The following CNTNAP2 variants were observed in gnomAD, a reference collection of about 807,000 sequenced individuals.
CNTNAP2 encodes contactin-associated protein-like 2.
Under a neutral mutation model 155.2 loss-of-function variants are expected in CNTNAP2, and 98 were observed. The observed-to-expected ratio is 0.63, with a 90% CI of 0.54 to 0.75. The LOEUF is 0.75. Among genes scored for constraint, CNTNAP2 ranks in the 30% least tolerant of loss-of-function variants. The probability of loss-of-function intolerance (pLI) is 0.00; values close to 1 mark genes in which losing one functional copy is unlikely to be tolerated. For synonymous variants in CNTNAP2, 651 were observed against 631.2 expected, an observed-to-expected ratio of 1.03 and a Z score of -0.47; for missense variants, 1,727 against 1,688.1, an observed-to-expected ratio of 1.02 and a Z score of -0.40.
chr7:147,416,925 C>T (rs865894104), intron 10 of CNTNAP2, among the ~76,000 whole-genome samples: 17 of 151,956 alleles, frequency 1.1e-4, no homozygotes, highest in Admixed American at 2.0e-4. Context: ...CCCATCTCTA[C>T]TAAAAATACA....
rs36020816 is a variant in CNTNAP2 at position 148,405,420 on chromosome 7, A to ATTTTTTTTTTTTTTTTTTTTTTTTTTTT, written c.3716-3945_3716-3944insTTTTTTTTTTTTTTTTTTTTTTTTTTTT. Among the ~76,000 whole-genome samples, 10 of 64,308 alleles carry ATTTTTTTTTTTTTTTTTTTTTTTTTTTT rather than the reference A, an allele frequency of 1.6e-4. 1 individual carries two copies. Among genetic ancestry groups the ATTTTTTTTTTTTTTTTTTTTTTTTTTTT allele is most frequent in the Non-Finnish European group, 2.1e-4 (8 of 37,686 alleles). 42.2% of individuals were successfully genotyped at this position (64,308 alleles called of 152,430 possible). A position where few individuals can be genotyped will look rare whatever the true frequency, so the allele number is the denominator to read the frequency against. The stretch of plus-strand genomic sequence containing the variant: ...TCAAGGGAACCAGATTACCATTGTA[A>ATTTTTTTTTTTTTTTTTTTTTTTTTTTT]TTTTTTTTTTTTTTTTTTTTTTTTT... On this transcript the variant is annotated intron_variant, in intron 22 of 23. Coordinates refer to ENST00000361727, the MANE Select transcript of CNTNAP2 (RefSeq NM_014141.6).
chr7:146,821,196 G>A (rs184458055), intron 2 of CNTNAP2, among the ~76,000 whole-genome samples: 18 of 152,082 alleles, frequency 1.2e-4, no homozygotes, highest in African/African-American at 3.4e-4. Context: ...TGTGAATTTG[G>A]TCCTGTCATT....
At chr7:148,335,516 C>T (rs1389496582) in intron 21 of CNTNAP2, among the ~76,000 whole-genome samples, 2 of 152,182 alleles carry the variant, frequency 1.3e-5, no homozygotes, top group Non-Finnish European at 2.9e-5. Flanking sequence ...AAGAGACTCC[C>T]AGACACTAGG....
At chr7:147,012,162 A>T (rs1441478396) in intron 3 of CNTNAP2, among the ~76,000 whole-genome samples, 1 of 152,154 alleles carries the variant, frequency 6.6e-6, no homozygotes, top group African/African-American at 2.4e-5. Flanking sequence ...GGTGGGAAGG[A>T]GTCACCCCTT....
At chr7:146,755,312 C>T (rs115343831) in intron 1 of CNTNAP2, among the ~76,000 whole-genome samples, 2,064 of 152,050 alleles carry the variant, frequency 0.014, 44 homozygotes, top group African/African-American at 0.047. Context: ...TGAACAGGGA[C>T]GGACTCAAAA....
intron 1 of CNTNAP2, among the ~76,000 whole-genome samples, chr7:146,529,523 G>T (rs373447044): frequency 6.6e-6 from 1 of 152,078 alleles, no homozygotes; most frequent in South Asian, 2.1e-4. Context: ...AGAAACAAGC[G>T]ATCGGGAGAA....
intron 14 of CNTNAP2, among the ~76,000 whole-genome samples, chr7:147,975,026 A>ATATGATACAATTTTTTGTATTACG: frequency 7.3e-6 from 1 of 137,042 alleles, no homozygotes; most frequent in African/African-American, 2.5e-5. Flanking sequence ...TTTGTATTAC[A>ATATGATACAATTTTTTGTATTACG]TATAATACAA....
rs1185254540 is a variant in CNTNAP2 at position 148,383,904 on chromosome 7, A to G, written c.3715+16A>G. The G allele has an allele frequency of 6.2e-7, 1 of 1,610,878 alleles. No individual in the cohort carries two copies. The highest frequency in any genetic ancestry group is 8.5e-7 in the Non-Finnish European group (1 of 1,178,830). On this transcript the variant is annotated intron_variant, in intron 22 of 23. Coordinates refer to ENST00000361727, the MANE Select transcript of CNTNAP2 (RefSeq NM_014141.6). ...CTGGATTCAGGTAAAGTCTTCAGCA[A>G]CCTCAGGCAGGTTGCTTCATTTCTT... is the stretch of plus-strand genomic sequence containing the variant.
chr7:146,550,440 C>T (rs573963537), intron 1 of CNTNAP2, among the ~76,000 whole-genome samples: 1 of 82,422 alleles, frequency 1.2e-5, no homozygotes, highest in East Asian at 3.1e-4. Flanking sequence ...ATAAAGTACC[C>T]GAGATGGTTT....
At chr7:146,527,730 TA>T in intron 1 of CNTNAP2, among the ~76,000 whole-genome samples, 1 of 152,142 alleles carries the variant, frequency 6.6e-6, no homozygotes, top group Middle Eastern at 3.4e-3. Context: ...ATGTTAATAT[TA>T]AATCATAAAA....
At position 147,399,874 on chromosome 7, in the gene CNTNAP2, G is replaced by C. The variant is rs1392465092; in HGVS notation, c.1670+4094G>C. ...TGGGCAGAAATTGCTCTCTAACAAT[G>C]GAAGCTGCTAGCTTGATTCCCTTAG... is the stretch of plus-strand genomic sequence containing the variant. On this transcript the variant is annotated intron_variant, in intron 10 of 23. Transcript: ENST00000361727. Among the ~76,000 whole-genome samples the C allele has an allele frequency of 2.6e-5, 4 of 152,152 alleles. No individual in the cohort carries two copies. The East Asian group carries it at 7.7e-4, about 29-fold the overall frequency.
intron 2 of CNTNAP2, among the ~76,000 whole-genome samples, chr7:146,830,406 A>G (rs1163591861): frequency 6.6e-6 from 1 of 152,028 alleles, no homozygotes; most frequent in Non-Finnish European, 1.5e-5. Flanking sequence ...TTACACTGTT[A>G]TGTTCATTGT....
intron 18 of CNTNAP2, among the ~76,000 whole-genome samples, chr7:148,214,200 C>T (rs1795598222): frequency 6.6e-6 from 1 of 152,228 alleles, no homozygotes; most frequent in South Asian, 2.1e-4. Context: ...CCTGAATCCT[C>T]CTCCAGGTCC....
chr7:146,833,392 C>T (rs1378442620), intron 2 of CNTNAP2, among the ~76,000 whole-genome samples: 1 of 152,032 alleles, frequency 6.6e-6, no homozygotes, highest in Non-Finnish European at 1.5e-5. Context: ...TTCTCTCTTC[C>T]TATCTCCTCT....
intron 1 of CNTNAP2, among the ~76,000 whole-genome samples, chr7:146,769,088 G>T (rs932680352): frequency 2.6e-5 from 4 of 152,154 alleles, no homozygotes; most frequent in African/African-American, 9.7e-5. Context: ...CTGCCTTCAT[G>T]ATTGACTGAA....
At chr7:146,872,872 T>A (rs1795342026) in intron 3 of CNTNAP2, among the ~76,000 whole-genome samples, 1 of 152,224 alleles carries the variant, frequency 6.6e-6, no homozygotes, top group African/African-American at 2.4e-5. Flanking sequence ...TGAGGGTCAG[T>A]ATAGTTGAGA....
intron 1 of CNTNAP2, among the ~76,000 whole-genome samples, chr7:146,734,778 A>C (rs1801583461): frequency 6.6e-6 from 1 of 152,222 alleles, no homozygotes; most frequent in South Asian, 2.1e-4. Flanking sequence ...CCATTACTTA[A>C]TGATGCTAAA....
intron 13 of CNTNAP2, among the ~76,000 whole-genome samples, chr7:147,879,945 A>G (rs555962565): frequency 6.6e-6 from 1 of 152,214 alleles, no homozygotes; most frequent in African/African-American, 2.4e-5. Flanking sequence ...AATGACAGTC[A>G]GTGGAAAAGC....
intron 1 of CNTNAP2, among the ~76,000 whole-genome samples, chr7:146,118,091 T>A (rs571110355): frequency 3.3e-4 from 50 of 152,190 alleles, no homozygotes; most frequent in Non-Finnish European, 6.6e-4. Context: ...TTAATAATGA[T>A]CTTATTGTAG....
Sources: allele counts gnomAD v4.1 joint callset (sites outside exome capture counted in the v4.1 genomes callset), GRCh38; gene constraint gnomAD v4.1.1; transcripts MANE v1.5; gene names NCBI Gene and HGNC (gene_info 2026-07-23, HGNC 2026-07-21).